NEK7: variants seen among roughly 807,000 people sequenced by gnomAD.
The protein encoded by NEK7 is serine/threonine-protein kinase Nek7.
A neutral mutation model predicts 44.6 loss-of-function variants in NEK7; 18 were observed. That is an observed-to-expected ratio of 0.40 (90% CI 0.28 to 0.60). The LOEUF (loss-of-function observed/expected upper bound fraction) is 0.60. Ranked by LOEUF, NEK7 falls within the 20% of genes least tolerant of loss-of-function variation. NEK7 has a pLI of 0.38. For missense variants in NEK7, 256 were observed against 366.5 expected, an observed-to-expected ratio of 0.70 and a Z score of 2.46; for synonymous variants, 130 against 121.1, an observed-to-expected ratio of 1.07 and a Z score of -0.48.
At chr1:198,281,811 T>C (rs1210286697) in intron 7 of NEK7, among the ~76,000 whole-genome samples, 3 of 152,116 alleles carry the variant, frequency 2.0e-5, no homozygotes, top group Admixed American at 6.6e-5. Flanking sequence ...GTGTCTCTTA[T>C]TTGTATCTTT....
At chr1:198,168,785 G>A (rs901361418) in intron 1 of NEK7, among the ~76,000 whole-genome samples, 2 of 152,126 alleles carry the variant, frequency 1.3e-5, no homozygotes, top group African/African-American at 4.8e-5. Flanking sequence ...GTAGCTGAAA[G>A]TGAATGAAAT....
rs1239323979 is a variant in NEK7, at chr1:198,266,531, G to T, written c.372+2296G>T. Among the ~76,000 whole-genome samples the T allele has an allele frequency of 8.5e-5, 13 of 152,072 alleles. 1 individual carries two copies. The highest frequency in any genetic ancestry group is 6.6e-4 in the Admixed American group (10 of 15,242). On this transcript the variant is annotated intron_variant, in intron 5 of 9. Coordinates refer to ENST00000367385, the MANE Select transcript of NEK7 (RefSeq NM_133494.3). Reference sequence around the variant, plus strand: ...TTGTAATGAGTTATATAAAGGAAAAGTGTGGGTTATAAGGGATGATTATAA... The same window carrying T: ...TTGTAATGAGTTATATAAAGGAAAATTGTGGGTTATAAGGGATGATTATAA...
At chr1:198,157,754 G>C (rs1238665273) in intron 1 of NEK7, among the ~76,000 whole-genome samples, 1 of 152,182 alleles carries the variant, frequency 6.6e-6, no homozygotes, top group Non-Finnish European at 1.5e-5. Context: ...TGGGTGGTGG[G>C]AGCCGGCAGA....
At chr1:198,309,427 G>T (rs183035924) in intron 9 of NEK7, among the ~76,000 whole-genome samples, 3 of 152,066 alleles carry the variant, frequency 2.0e-5, no homozygotes, top group Non-Finnish European at 4.4e-5. Context: ...CCAGGCCAAG[G>T]GCCTTAGCTT....
rs754231613 is a variant in NEK7, at chr1:198,297,259, A to G, written c.798+19A>G. The G allele has an allele frequency of 2.5e-6, 4 of 1,610,326 alleles. No individual in the cohort carries two copies. The highest frequency in any genetic ancestry group is 1.3e-5 in the African/African-American group (1 of 74,890). On this transcript the variant is annotated intron_variant, in intron 9 of 9. Transcript: ENST00000367385. ...AGAAGAAGTAAGTCATTTTCAGCCC[A>G]CATGTTCTTCTGTTGTCCATTTTGC...
chr1:198,170,255 C>T (rs924110114), intron 1 of NEK7, among the ~76,000 whole-genome samples: 7 of 152,046 alleles, frequency 4.6e-5, no homozygotes, highest in East Asian at 1.9e-4. Flanking sequence ...CTAGGAAAAA[C>T]GAGTGTGTCA....
chr1:198,259,120 ATAT>A (rs1653371500), intron 3 of NEK7, among the ~76,000 whole-genome samples: 2 of 152,066 alleles, frequency 1.3e-5, no homozygotes, highest in Non-Finnish European at 2.9e-5. Flanking sequence ...GTGACTTTTG[ATAT>A]TATTGAAAAT....
At chr1:198,200,948 G>T (rs1665413896) in intron 1 of NEK7, among the ~76,000 whole-genome samples, 1 of 152,018 alleles carries the variant, frequency 6.6e-6, no homozygotes, top group Non-Finnish European at 1.5e-5. Flanking sequence ...CTTTTGCTTT[G>T]GTTTCTTGGA....
chr1:198,189,165 A>G (rs1664998548), intron 1 of NEK7, among the ~76,000 whole-genome samples: 1 of 152,158 alleles, frequency 6.6e-6, no homozygotes, highest in Non-Finnish European at 1.5e-5. Context: ...TTTGAATATA[A>G]GTCTGAATTA....
intron 1 of NEK7, among the ~76,000 whole-genome samples, chr1:198,195,184 C>A (rs1323179163): frequency 1.3e-5 from 2 of 152,008 alleles, no homozygotes; most frequent in Admixed American, 6.6e-5. Context: ...TAAAAAAATT[C>A]TGAATTGCTA....
intron 1 of NEK7, among the ~76,000 whole-genome samples, chr1:198,186,088 T>C (rs1664916282): frequency 6.6e-6 from 1 of 152,236 alleles, no homozygotes; most frequent in Non-Finnish European, 1.5e-5. Flanking sequence ...ATCACCTTTC[T>C]AATGGTCATG....
At chr1:198,318,452 A>G (rs567699205) in intron 9 of NEK7, among the ~76,000 whole-genome samples, 1 of 152,280 alleles carries the variant, frequency 6.6e-6, no homozygotes, top group African/African-American at 2.4e-5. Flanking sequence ...TCTGGTTGAA[A>G]GTTATTTTAT....
At chr1:198,261,759 T>G (rs1653479714) in intron 3 of NEK7, among the ~76,000 whole-genome samples, 1 of 151,916 alleles carries the variant, frequency 6.6e-6, no homozygotes, top group Non-Finnish European at 1.5e-5. Context: ...ATGAAATATC[T>G]TTTTGATTGT....
chr1:198,295,087 C>CA (rs113475655), intron 8 of NEK7, among the ~76,000 whole-genome samples: 2,740 of 115,852 alleles, frequency 0.024, 61 homozygotes, highest in East Asian at 0.13. Flanking sequence ...CCTGAAACCT[C>CA]AAAAAAAAAA....
intron 9 of NEK7, 37 bp from the exon 10 acceptor site, chr1:198,319,375 G>A (rs987708045): frequency 1.4e-6 from 2 of 1,452,170 alleles, no homozygotes; most frequent in East Asian, 2.3e-5. Flanking sequence ...AAAAATAGTT[G>A]TCTTAATCAG....
At chr1:198,263,738 A>T (rs918894031) in intron 4 of NEK7, among the ~76,000 whole-genome samples, 4 of 151,932 alleles carry the variant, frequency 2.6e-5, no homozygotes, top group African/African-American at 9.7e-5. Flanking sequence ...AGGAGTAAAA[A>T]GGGATACTTT....
intron 1 of NEK7, among the ~76,000 whole-genome samples, chr1:198,182,481 A>G (rs1208250047): frequency 2.0e-5 from 3 of 152,080 alleles, no homozygotes; most frequent in Non-Finnish European, 2.9e-5. Flanking sequence ...GCCCAAAACC[A>G]TGATTATGGT....
intron 1 of NEK7, among the ~76,000 whole-genome samples, chr1:198,216,409 A>G (rs185762699): frequency 1.3e-5 from 2 of 152,160 alleles, no homozygotes; most frequent in Admixed American, 1.3e-4. Flanking sequence ...CAAGTTATCA[A>G]AATCTCTAGG....
chr1:198,293,701 C>T (rs1002860979), intron 8 of NEK7, among the ~76,000 whole-genome samples: 1 of 151,880 alleles, frequency 6.6e-6, no homozygotes, highest in African/African-American at 2.4e-5. Flanking sequence ...AAAAGTATCT[C>T]AAGCTAGTGA....
Sources: gnomAD v4.1 joint callset for allele counts (sites outside exome capture counted in the v4.1 genomes callset) on GRCh38, gnomAD v4.1.1 for gene constraint, MANE v1.5 for transcripts, NCBI Gene and HGNC (gene_info 2026-07-23, HGNC 2026-07-21) for gene names.